TTC27: variants seen among roughly 807,000 people sequenced by gnomAD.
The protein encoded by TTC27 is tetratricopeptide repeat domain 27, also known as tetratricopeptide repeat protein 27.
Under a neutral mutation model 115.9 loss-of-function variants are expected in TTC27, and 79 were observed. That is an observed-to-expected ratio of 0.68 (90% CI 0.57 to 0.82). TTC27 has a LOEUF of 0.82. Ranked by LOEUF, TTC27 falls within the 40% of genes least tolerant of loss-of-function variation. The pLI, the probability that TTC27 is intolerant of heterozygous loss-of-function variation, is 0.00. For synonymous variants in TTC27, 401 were observed against 356.0 expected (o/e 1.13, Z -1.42); for missense variants, 1,054 against 993.1 (o/e 1.06, Z -0.82).
intron 10 of TTC27, among the ~76,000 whole-genome samples, chr2:32,720,843 C>G (rs1225794512): frequency 1.3e-5 from 2 of 152,196 alleles, no homozygotes; most frequent in Non-Finnish European, 2.9e-5. Flanking sequence ...AGACTACTCT[C>G]TCATGTGTTA....
intron 18 of TTC27, among the ~76,000 whole-genome samples, chr2:32,813,251 C>G (rs1047019438): frequency 1.3e-5 from 2 of 152,012 alleles, no homozygotes; most frequent in African/African-American, 4.8e-5. Flanking sequence ...AATAATGATG[C>G]CCCCAATGTT....
chr2:32,673,332 C>G (rs532821411), intron 8 of TTC27, among the ~76,000 whole-genome samples: 2 of 151,452 alleles, frequency 1.3e-5, no homozygotes, highest in Admixed American at 1.3e-4. Flanking sequence ...TCAAGCGATT[C>G]TCTTGCCTCA....
chr2:32,761,267 C>T (rs1252242192), intron 13 of TTC27, among the ~76,000 whole-genome samples: 4 of 152,168 alleles, frequency 2.6e-5, no homozygotes, highest in Non-Finnish European at 5.9e-5. Flanking sequence ...ATCAGCAAGT[C>T]CTAGCAGATC....
At chr2:32,632,116 T>C (rs1401134758) in intron 2 of TTC27, among the ~76,000 whole-genome samples, 1 of 151,840 alleles carries the variant, frequency 6.6e-6, no homozygotes, top group East Asian at 1.9e-4. Flanking sequence ...CAGCCTCCAT[T>C]TAATTTTTTT....
chr2:32,633,837 G>A (rs754998826), intron 2 of TTC27, 39 bp from the exon 3 acceptor site: 8 of 1,595,982 alleles, frequency 5.0e-6, no homozygotes, highest in Non-Finnish European at 4.3e-6. Flanking sequence ...TACAGTGATA[G>A]TAGTTCATAT....
intron 8 of TTC27, 75 bp from the exon 9 acceptor site, chr2:32,678,781 G>C (rs1666316762): frequency 8.9e-7 from 1 of 1,122,502 alleles, no homozygotes; most frequent in Non-Finnish European, 1.3e-6. Flanking sequence ...AGTTTACTTT[G>C]CTTTTTAAAA....
intron 9 of TTC27, among the ~76,000 whole-genome samples, chr2:32,686,074 A>T (rs1211451391): frequency 1.3e-5 from 2 of 152,226 alleles, no homozygotes; most frequent in African/African-American, 4.8e-5. Flanking sequence ...AGAATTTTAA[A>T]ATCATTTGCA....
At chr2:32,728,833 C>T (rs1668198943) in intron 10 of TTC27, among the ~76,000 whole-genome samples, 1 of 152,128 alleles carries the variant, frequency 6.6e-6, no homozygotes, top group African/African-American at 2.4e-5. Context: ...TCTCCCTGTT[C>T]CCATTGGCAA....
chr2:32,650,353 CTTTTTTTTTTTTT>C, intron 5 of TTC27, 120 bp downstream of exon 5: 1 of 211,086 alleles, frequency 4.7e-6, no homozygotes, highest in East Asian at 7.9e-5. Context: ...TGAGTTGTTT[CTTTTTTTTTTTTT>C]TTTTTTTTGG....
intron 16 of TTC27, among the ~76,000 whole-genome samples, chr2:32,791,462 G>A (rs1558346064): frequency 6.6e-6 from 1 of 152,200 alleles, no homozygotes; most frequent in East Asian, 1.9e-4. Flanking sequence ...TGGGCATACA[G>A]TATGTGAGGT....
intron 9 of TTC27, 97 bp downstream of exon 9, chr2:32,679,019 C>A: frequency 1.0e-6 from 1 of 996,618 alleles, no homozygotes; most frequent in Non-Finnish European, 1.5e-6. Context: ...TGAAACACTG[C>A]CACCTAAGGA....
intron 9 of TTC27, among the ~76,000 whole-genome samples, chr2:32,681,913 T>A (rs1394358479): frequency 6.6e-6 from 1 of 151,932 alleles, no homozygotes; most frequent in African/African-American, 2.4e-5. Context: ...AACTTTTATT[T>A]GTGCCTCTCT....
intron 3 of TTC27, among the ~76,000 whole-genome samples, chr2:32,638,300 C>T (rs1414813146): frequency 6.6e-6 from 1 of 151,914 alleles, no homozygotes; most frequent in African/African-American, 2.4e-5. Flanking sequence ...AATCTTTATT[C>T]CTCTATTACA....
intron 16 of TTC27, among the ~76,000 whole-genome samples, chr2:32,807,645 T>G (rs778995747): frequency 8.5e-5 from 13 of 152,172 alleles, no homozygotes; most frequent in Non-Finnish European, 1.6e-4. Flanking sequence ...TTTCTCTTCA[T>G]TTTTTGTGAT....
At chr2:32,737,829 C>A (rs1442152264) in intron 12 of TTC27, among the ~76,000 whole-genome samples, 1 of 151,840 alleles carries the variant, frequency 6.6e-6, no homozygotes, top group East Asian at 1.9e-4. Flanking sequence ...CAAGTAAGAC[C>A]CCATCTCTAC....
intron 2 of TTC27, 67 bp downstream of exon 2, chr2:32,630,767 T>C: frequency 7.0e-7 from 1 of 1,436,610 alleles, no homozygotes; most frequent in South Asian, 1.5e-5. Context: ...CTTGACAGGG[T>C]AAGGCCCTGA....
chr2:32,649,709 C>T (rs1413016014), intron 4 of TTC27, among the ~76,000 whole-genome samples: 1 of 151,954 alleles, frequency 6.6e-6, no homozygotes, highest in Non-Finnish European at 1.5e-5. Context: ...CCACGCCCAG[C>T]TAATTTTTAT....
intron 5 of TTC27, among the ~76,000 whole-genome samples, chr2:32,663,598 A>C (rs1665636401): frequency 6.6e-6 from 1 of 152,082 alleles, no homozygotes; most frequent in Non-Finnish European, 1.5e-5. Flanking sequence ...TGGAGACGGG[A>C]GCTGTTCCTA....
intron 12 of TTC27, among the ~76,000 whole-genome samples, chr2:32,740,413 G>C (rs554212041): frequency 6.7e-6 from 1 of 148,320 alleles, no homozygotes; most frequent in East Asian, 2.0e-4. Context: ...AAACAGCTAA[G>C]ACTTTTTTAG....
Sources: gnomAD v4.1 joint callset for allele counts (sites outside exome capture counted in the v4.1 genomes callset) on GRCh38, gnomAD v4.1.1 for gene constraint, MANE v1.5 for transcripts, NCBI Gene and HGNC (gene_info 2026-07-23, HGNC 2026-07-21) for gene names.